Variants in SLC22A9 observed in about 807,000 individuals in gnomAD.
The protein encoded by SLC22A9 is solute carrier family 22 member 9, also known as organic anion transporter 7.
A neutral mutation model predicts 50.1 loss-of-function variants in SLC22A9; 64 were observed. The ratio of observed to expected loss-of-function variants is 1.28; its 90% confidence interval spans 1.04 to 1.57. SLC22A9 has a LOEUF of 1.57. Ranked by LOEUF, SLC22A9 falls within the 40% of genes most tolerant of loss-of-function variation. SLC22A9 has a pLI of 0.00. For missense variants in SLC22A9, 757 were observed against 676.1 expected, an observed-to-expected ratio of 1.12 and a Z score of -1.33; for synonymous variants, 261 against 242.5, an observed-to-expected ratio of 1.08 and a Z score of -0.71.
chr11:63,398,339 T>C (rs951227826), intron 6 of SLC22A9, among the ~76,000 whole-genome samples: 1 of 152,146 alleles, frequency 6.6e-6, no homozygotes, highest in Non-Finnish European at 1.5e-5. Context: ...GGGGTCTCAC[T>C]AGATCACAGG....
intron 6 of SLC22A9, among the ~76,000 whole-genome samples, chr11:63,391,114 T>C (rs937655181): frequency 6.6e-6 from 1 of 152,156 alleles, no homozygotes; most frequent in African/African-American, 2.4e-5. Context: ...AATTTCCATG[T>C]GTTGATATGA....
intron 9 of SLC22A9, among the ~76,000 whole-genome samples, chr11:63,409,197 A>T (rs2015093208): frequency 6.6e-6 from 1 of 152,104 alleles, no homozygotes; most frequent in South Asian, 2.1e-4. Context: ...GGTATTTTAC[A>T]AATATGCAGA....
chr11:63,388,931 A>G (rs1490693853), intron 6 of SLC22A9, among the ~76,000 whole-genome samples: 1 of 151,744 alleles, frequency 6.6e-6, no homozygotes, highest in East Asian at 1.9e-4. Context: ...TAATTAATCT[A>G]TTTCTTCTAA....
intron 6 of SLC22A9, among the ~76,000 whole-genome samples, chr11:63,393,397 T>C (rs1484388127): frequency 6.6e-6 from 1 of 152,134 alleles, no homozygotes; most frequent in Non-Finnish European, 1.5e-5. Context: ...GAGGAGTCTC[T>C]AGTGTTTTCA....
chr11:63,409,034 T>C (rs1375344595), intron 9 of SLC22A9, among the ~76,000 whole-genome samples, 155 bp downstream of exon 9: 1 of 152,184 alleles, frequency 6.6e-6, no homozygotes, highest in African/African-American at 2.4e-5. Flanking sequence ...TACAGCCACA[T>C]GCCTTCCCAC....
Position 63,408,895 on chromosome 11 carries a change from G to A in SLC22A9, c.1601+16G>A, listed in dbSNP as rs4088469. ...AGAAAAATGAGTGAGTAAATAGCCC[G>A]GTTGCCCCTCAGAGGATCTGTGTGC... On this transcript the variant is annotated intron_variant, in intron 9 of 9. Transcript: ENST00000279178. 0.3 allele frequency: 487,046 copies of A among 1,612,462 alleles called. 86,204 individuals are homozygous for A. Among genetic ancestry groups the A allele is most frequent in the East Asian group, 0.82 (36,712 of 44,852 alleles).
In SLC22A9 at chr11:63,382,177, A is replaced by T; in HGVS notation, c.973A>T (p.Lys325Ter). The stretch of plus-strand genomic sequence containing the variant: ...GTTGAAGATTTTGAAATCCACCATG[A>T]AAAAAGAACTGGAGGCAGCACAAAA... ...LTLEILKSTM[K>*]KELEAAQKKK... Residue 325 changes from lysine to a stop codon, truncating the protein, a stop_gained, in exon 6 of 10, where the codon AAA (lysine) becomes TAA (stop). Transcript: ENST00000279178. LOFTEE classifies it high-confidence loss of function. 6.2e-7 allele frequency: 1 copy of T among 1,604,066 alleles called. No homozygotes were observed. The highest frequency in any genetic ancestry group is 1.7e-5 in the Admixed American group (1 of 57,714).
Position 63,384,553 on chromosome 11 carries a change from T to A in SLC22A9, c.1073+2276T>A, listed in dbSNP as rs111750294. 8.8e-3 allele frequency among the ~76,000 whole-genome samples: 1,344 copies of A among 152,310 alleles called. 9 individuals carry two copies. Among genetic ancestry groups the A allele is most frequent in the African/African-American group, 0.018 (768 of 41,578 alleles). ...ATCCAGTCTATCATTGATGGGCATT[T>A]GGGTTGATTCCATGTCTTTGCTGTT... On this transcript the variant is annotated intron_variant, in intron 6 of 9. Transcript: ENST00000279178.
At chr11:63,394,287 CT>C (rs986148733) in intron 6 of SLC22A9, among the ~76,000 whole-genome samples, 12 of 150,688 alleles carry the variant, frequency 8.0e-5, no homozygotes, top group African/African-American at 2.7e-4. Context: ...TTTGGTTTTT[CT>C]TTTTTTTTAA....
rs1488954512 is a variant in SLC22A9 at position 63,410,027 on chromosome 11, T to A, written c.*165T>A. The A allele has an allele frequency of 1.6e-6, 1 of 627,534 alleles. No individual in the cohort carries two copies. Among genetic ancestry groups the A allele is most frequent in the East Asian group, 3.2e-5 (1 of 31,354 alleles). 38.9% of individuals were successfully genotyped at this position (627,534 alleles called of 1,614,324 possible). ...AGGCTGAGGCGGGCAGATCATGAGG[T>A]CAGAAGATAAAGACCACCCTGGCCA... is the stretch of plus-strand genomic sequence containing the variant. On this transcript the variant is annotated 3_prime_UTR_variant, in exon 10 of 10. Transcript: ENST00000279178.
chr11:63,371,046 T>G, intron 1 of SLC22A9, 89 bp from the exon 2 acceptor site: 1 of 919,610 alleles, frequency 1.1e-6, no homozygotes, highest in Non-Finnish European at 1.7e-6. Flanking sequence ...GACTTAATAT[T>G]AGGAAACTTG....
chr11:63,391,776 A>G (rs1384120986), intron 6 of SLC22A9, among the ~76,000 whole-genome samples: 1 of 151,834 alleles, frequency 6.6e-6, no homozygotes, highest in Admixed American at 6.6e-5. Context: ...CTGTCTTTTG[A>G]TTGGACAGTT....
chr11:63,375,688 C>A lies in SLC22A9; in HGVS notation c.874C>A (p.Pro292Thr). The A allele has an allele frequency of 1.2e-6, 2 of 1,612,554 alleles. No individual in the cohort carries two copies. Among genetic ancestry groups the A allele is most frequent in the Non-Finnish European group, 1.7e-6 (2 of 1,179,076 alleles). Residue 292 changes from proline (P) to threonine (T), a missense_variant, in exon 5 of 10, where the codon CCA becomes ACA. Physicochemically the swap from Pro to Thr is conservative, Grantham distance 38. Coordinates refer to ENST00000279178, the MANE Select transcript of SLC22A9 (RefSeq NM_080866.3). ...TCGGTGGCTCATTATCAACAATAAA[C>A]CAGAGGAAGGCTTAAAGGAACTTAG... ...SARWLIINNK[P>T]EEGLKELRKA... is the part of the protein sequence containing the mutation.
intron 6 of SLC22A9, among the ~76,000 whole-genome samples, chr11:63,391,027 T>A (rs2014754999): frequency 6.6e-6 from 1 of 152,154 alleles, no homozygotes; most frequent in South Asian, 2.1e-4. Context: ...GTTTCCATTA[T>A]CATTTGTTTC....
At chr11:63,376,787 G>T (rs1268314746) in intron 5 of SLC22A9, among the ~76,000 whole-genome samples, 1 of 151,416 alleles carries the variant, frequency 6.6e-6, no homozygotes, top group Non-Finnish European at 1.5e-5. Flanking sequence ...ACACCCAATT[G>T]TATACTGACT....
At position 63,408,740 on chromosome 11, in the gene SLC22A9, A is replaced by T. The variant is rs1346902507; in HGVS notation, c.1462A>T (p.Met488Leu). ...NIAGALAPLM[M>L]ILSVYSPPLP... ...AGCAGGAGCCCTGGCTCCCCTCATG[A>T]TGATCCTAAGTGTGTATTCTCCACC... Residue 488 changes from methionine (M) to leucine (L), a missense_variant, in exon 9 of 10, where the codon ATG becomes TTG. Met to Leu is a conservative substitution (Grantham distance 15, BLOSUM62 2). Coordinates refer to ENST00000279178, the MANE Select transcript of SLC22A9 (RefSeq NM_080866.3). 1 of 1,613,850 alleles carries T rather than the reference A, an allele frequency of 6.2e-7. No individual in the cohort carries two copies. Among genetic ancestry groups the T allele is most frequent in the East Asian group, 2.2e-5 (1 of 44,878 alleles).
chr11:63,397,685 C>T (rs1327540554), intron 6 of SLC22A9, among the ~76,000 whole-genome samples: 3 of 152,074 alleles, frequency 2.0e-5, no homozygotes, highest in Admixed American at 6.6e-5. Context: ...GTAAGTACTA[C>T]CTGTTTATTG....
chr11:63,400,551 C>T (rs2014935461), intron 6 of SLC22A9, among the ~76,000 whole-genome samples: 1 of 152,022 alleles, frequency 6.6e-6, no homozygotes, highest in Non-Finnish European at 1.5e-5. Flanking sequence ...CAATCTAGAA[C>T]CTGATAGCTT....
At chr11:63,406,804 G>A in intron 7 of SLC22A9, 93 bp downstream of exon 7, 1 of 1,341,570 alleles carries the variant, frequency 7.5e-7, no homozygotes, top group Non-Finnish European at 1.0e-6. Flanking sequence ...AAGAAGGAAA[G>A]GGAGAATTGG....
Sources: allele counts gnomAD v4.1 joint callset (sites outside exome capture counted in the v4.1 genomes callset), GRCh38; gene constraint gnomAD v4.1.1; transcripts MANE v1.5; gene names NCBI Gene and HGNC (gene_info 2026-07-23, HGNC 2026-07-21).